Variants in RPN2 observed in about 807,000 individuals in gnomAD.
The protein encoded by RPN2 is ribophorin II, also known as dolichyl-diphosphooligosaccharide--protein glycosyltransferase subunit 2.
RPN2 carries 29 observed loss-of-function variants against 71.4 expected under a neutral mutation model. That is an observed-to-expected ratio of 0.41 (90% CI 0.30 to 0.55). The LOEUF (loss-of-function observed/expected upper bound fraction) is 0.55. RPN2 is among the 20% of genes least tolerant of loss of function. The pLI, the probability that RPN2 is intolerant of heterozygous loss-of-function variation, is 0.35. For synonymous variants in RPN2, 308 were observed against 305.0 expected (o/e 1.01, Z -0.10); for missense variants, 726 against 774.1 (o/e 0.94, Z 0.74).
intron 2 of RPN2, among the ~76,000 whole-genome samples, chr20:37,188,087 A>G (rs2067052580): frequency 6.6e-6 from 1 of 152,102 alleles, no homozygotes; most frequent in Non-Finnish European, 1.5e-5. Context: ...TTATTTTGCC[A>G]TGTCACAAAT....
chr20:37,232,984 G>A (rs1049471127), intron 14 of RPN2, among the ~76,000 whole-genome samples: 2 of 152,118 alleles, frequency 1.3e-5, no homozygotes, highest in African/African-American at 2.4e-5. Flanking sequence ...GGAGGCCGAG[G>A]TGGGAGGATT....
chr20:37,184,987 CT>C (rs1232357008), intron 2 of RPN2, among the ~76,000 whole-genome samples: 2 of 152,112 alleles, frequency 1.3e-5, no homozygotes, highest in African/African-American at 2.4e-5. Flanking sequence ...AAGTGCCCCC[CT>C]ATGTGTGTGG....
At chr20:37,217,664 G>C (rs1209461414) in intron 9 of RPN2, among the ~76,000 whole-genome samples, 1 of 152,108 alleles carries the variant, frequency 6.6e-6, no homozygotes, top group African/African-American at 2.4e-5. Context: ...GTGGTCTAAA[G>C]ATGTTTTTCC....
chr20:37,207,129 C>CCATTTACGAATTTGCATTTACGAA, intron 6 of RPN2, 144 bp from the exon 7 acceptor site: 1 of 685,744 alleles, frequency 1.5e-6, no homozygotes, highest in East Asian at 2.6e-5. Context: ...TTTGCGTTTT[C>CCATTTACGAATTTGCATTTACGAA]TCCATCTACG....
intron 16 of RPN2, chr20:37,238,253 C>A: frequency 1.4e-6 from 1 of 707,082 alleles, no homozygotes; most frequent in Non-Finnish European, 2.6e-6. Context: ...TCTTCTGTGG[C>A]CCTCTTTGTG....
chr20:37,231,420 T>C (rs916796963), intron 13 of RPN2, among the ~76,000 whole-genome samples: 7 of 152,052 alleles, frequency 4.6e-5, no homozygotes, highest in Non-Finnish European at 8.8e-5. Flanking sequence ...TGTCGAGCCT[T>C]CTGGTTTAAC....
intron 2 of RPN2, among the ~76,000 whole-genome samples, chr20:37,186,619 A>G (rs538758876): frequency 9.2e-5 from 14 of 152,218 alleles, no homozygotes; most frequent in South Asian, 2.1e-4. Context: ...GACCAACAGT[A>G]ATTCTTTAAT....
In RPN2 at chr20:37,228,608, C is replaced by G; in HGVS notation, c.1358C>G (p.Pro453Arg). The change falls in exon 12 of 17, where the codon CCA (proline) becomes CGA (arginine). Residue 453 changes from proline to arginine, a missense_variant. Transcript: ENST00000237530. The stretch of plus-strand genomic sequence containing the variant: ...CAGGAAGTGGTGTTTGTTGCCGAGC[C>G]AGACAACAAGAACGTGTACAAGTTT... ...TGQEVVFVAE[P>R]DNKNVYKFEL... is the part of the protein sequence containing the mutation. 3.7e-6 allele frequency: 6 copies of G among 1,614,214 alleles called. No individual in the cohort carries two copies. Among genetic ancestry groups the G allele is most frequent in the Non-Finnish European group, 5.1e-6 (6 of 1,180,026 alleles).
chr20:37,185,213 C>G (rs1449058892), intron 2 of RPN2, among the ~76,000 whole-genome samples: 7 of 149,660 alleles, frequency 4.7e-5, no homozygotes, highest in Admixed American at 4.7e-4. Flanking sequence ...GATCATGGCT[C>G]ACTGCAGTCT....
At chr20:37,179,576 G>C (rs1425602789) in intron 1 of RPN2, 3 of 1,309,748 alleles carry the variant, frequency 2.3e-6, no homozygotes, top group Non-Finnish European at 3.0e-6. Flanking sequence ...GTTGGTGCCT[G>C]GGGGAGGGGT....
At chr20:37,209,469 A>T (rs1304692204) in intron 7 of RPN2, among the ~76,000 whole-genome samples, 5 of 146,288 alleles carry the variant, frequency 3.4e-5, no homozygotes, top group African/African-American at 5.1e-5. Flanking sequence ...TAGCTGAGAC[A>T]TTTTTTTTTT....
intron 9 of RPN2, among the ~76,000 whole-genome samples, chr20:37,218,557 C>CAA (rs1185607240): frequency 7.2e-6 from 1 of 138,620 alleles, no homozygotes; most frequent in African/African-American, 2.7e-5. Context: ...AAAAAAAAAA[C>CAA]AAAAAAAACA....
At chr20:37,227,488 G>T (rs547397407) in intron 11 of RPN2, among the ~76,000 whole-genome samples, 2 of 152,184 alleles carry the variant, frequency 1.3e-5, no homozygotes, top group South Asian at 4.2e-4. Context: ...TCCATTCCTG[G>T]CCAAGACTAA....
intron 11 of RPN2, among the ~76,000 whole-genome samples, chr20:37,226,284 G>T (rs113181083): frequency 6.6e-6 from 1 of 152,152 alleles, no homozygotes; most frequent in Admixed American, 6.5e-5. Context: ...TGTTGGCCAG[G>T]CTGTTCTCAT....
intron 8 of RPN2, among the ~76,000 whole-genome samples, chr20:37,212,988 T>TC (rs1412209143): frequency 3.3e-5 from 5 of 152,164 alleles, no homozygotes; most frequent in Non-Finnish European, 1.5e-5. Context: ...TACCTTTTTT[T>TC]CCCTTTAAAA....
chr20:37,191,037 A>C (rs1006892270), intron 2 of RPN2, among the ~76,000 whole-genome samples: 2 of 152,162 alleles, frequency 1.3e-5, no homozygotes, highest in Non-Finnish European at 2.9e-5. Flanking sequence ...ACTGTTGCCT[A>C]TTCTCACAGA....
rs201182543 is a variant in RPN2 at position 37,236,721 on chromosome 20, C to T, written c.1883+12C>T. The T allele has an allele frequency of 6.2e-7, 1 of 1,613,704 alleles. No homozygotes were observed. The highest frequency in any genetic ancestry group is 8.5e-7 in the Non-Finnish European group (1 of 1,179,620). On this transcript the variant is annotated intron_variant, in intron 16 of 16. Transcript: ENST00000237530. The stretch of plus-strand genomic sequence containing the variant: ...CAGGCAGTCAAGAGGTAAGGCCAGA[C>T]ATGAGCCAGGGATCTAGAGTAGGGT...
At chr20:37,179,557 C>A (rs2066789770) in intron 1 of RPN2, 188 bp downstream of exon 1, 3 of 1,372,114 alleles carry the variant, frequency 2.2e-6, no homozygotes, top group Non-Finnish European at 2.8e-6. Context: ...GTGCCCGCGA[C>A]CTGGCGGGGT....
intron 2 of RPN2, among the ~76,000 whole-genome samples, chr20:37,190,527 C>T (rs536700298): frequency 6.6e-6 from 1 of 152,244 alleles, no homozygotes; most frequent in South Asian, 2.1e-4. Context: ...ATAATGTGTG[C>T]AGGGTAGTTA....
Sources: gnomAD v4.1 joint callset for allele counts (sites outside exome capture counted in the v4.1 genomes callset) on GRCh38, gnomAD v4.1.1 for gene constraint, MANE v1.5 for transcripts, NCBI Gene and HGNC (gene_info 2026-07-23, HGNC 2026-07-21) for gene names.